C6: variants seen among roughly 807,000 people sequenced by gnomAD.
C6 encodes complement component C6.
Under a neutral mutation model 112.9 loss-of-function variants are expected in C6, and 101 were observed. That is an observed-to-expected ratio of 0.89 (90% CI 0.76 to 1.06). The LOEUF is 1.06. Among genes scored for constraint, C6 ranks in the 50% least tolerant of loss-of-function variants. The pLI is 0.00. For missense variants in C6, 1,202 were observed against 1,104.6 expected (o/e 1.09, Z -1.25); for synonymous variants, 431 against 384.1 (o/e 1.12, Z -1.43).
intron 9 of C6, among the ~76,000 whole-genome samples, chr5:41,167,064 A>G (rs971747264): frequency 4.6e-5 from 7 of 151,802 alleles, no homozygotes; most frequent in African/African-American, 1.7e-4. Context: ...GTGTTTTTAT[A>G]TTTTCTTTAT....
Position 41,211,410 on chromosome 5 carries a change from TTCCCAC to T in C6, c.-21+1960_-21+1965del, listed in dbSNP as rs1472622900. On this transcript the variant is annotated intron_variant, in intron 1 of 17. Coordinates refer to ENST00000337836, the MANE Select transcript of C6 (RefSeq NM_000065.5). ...AATAAAAAAAAATGAGGGGCTTTTT[TTCCCAC>T]TCCACTTGCAAGCTGATTCTAGTTC... is the stretch of plus-strand genomic sequence containing the variant. Among the ~76,000 whole-genome samples the T allele has an allele frequency of 2.0e-5, 3 of 152,180 alleles. No homozygotes were observed. The East Asian group carries it at 5.8e-4, about 29-fold the overall frequency.
At chr5:41,192,321 T>C (rs1337855973) in intron 5 of C6, among the ~76,000 whole-genome samples, 2 of 152,182 alleles carry the variant, frequency 1.3e-5, no homozygotes, top group African/African-American at 4.8e-5. Flanking sequence ...GCATCAGGGA[T>C]ATTGACCTGT....
At chr5:41,148,941 G>A (rs1036253478) in intron 17 of C6, among the ~76,000 whole-genome samples, 6 of 152,142 alleles carry the variant, frequency 3.9e-5, no homozygotes, top group Non-Finnish European at 8.8e-5. Context: ...GCTGGGACTC[G>A]GAAGGATGCC....
intron 11 of C6, chr5:41,159,465 A>AAAATGGCAAC: frequency 2.3e-5 from 23 of 985,320 alleles, no homozygotes; most frequent in Non-Finnish European, 2.7e-5. Context: ...AAGCCTAAAT[A>AAAATGGCAAC]AAATGGCAAC....
chr5:41,249,375 T>C (rs1741205359), intron 1 of C6, among the ~76,000 whole-genome samples: 1 of 152,210 alleles, frequency 6.6e-6, no homozygotes, highest in African/African-American at 2.4e-5. Context: ...TCCCAATAGT[T>C]AAAATAATAA....
Position 41,149,310 on chromosome 5 carries a change from G to A in C6, c.2554C>T (p.Leu852Phe). ...TCTTTCTTTGTGCTGTTGGATGAAA[G>A]TCTTGTCCTTTCAAGACCCCATTCT... ...QLEWGLERTR[L>F]SSNSTKKESC... Residue 852 changes from leucine (L) to phenylalanine (F), a missense_variant, in exon 17 of 18, where the codon CTT (leucine) becomes TTT (phenylalanine). By Grantham distance (22) the Leu-to-Phe change is conservative. Transcript: ENST00000337836. 6.2e-7 allele frequency: 1 copy of A among 1,614,046 alleles called. No individual in the cohort carries two copies. The highest frequency in any genetic ancestry group is 8.5e-7 in the Non-Finnish European group (1 of 1,179,944).
At chr5:41,222,377 T>G (rs889714281) in intron 1 of C6, among the ~76,000 whole-genome samples, 1 of 152,094 alleles carries the variant, frequency 6.6e-6, no homozygotes, top group Non-Finnish European at 1.5e-5. Context: ...ATATTACATT[T>G]AACTTGTAAA....
chr5:41,160,400 A>G, intron 10 of C6, 33 bp from the exon 11 acceptor site: 1 of 1,543,700 alleles, frequency 6.5e-7, no homozygotes. Flanking sequence ...AGGTCCAGTC[A>G]CATCCCCTTT....
intron 9 of C6, among the ~76,000 whole-genome samples, chr5:41,167,053 T>C (rs963413312): frequency 1.3e-5 from 2 of 152,074 alleles, no homozygotes; most frequent in Non-Finnish European, 2.9e-5. Flanking sequence ...AATTTTTTTA[T>C]GTGTTTTTAT....
At chr5:41,217,745 C>T (rs1045518141), upstream of C6, among the ~76,000 whole-genome samples, 11 of 151,882 alleles carry the variant, frequency 7.2e-5, no homozygotes, top group Non-Finnish European at 1.6e-4. Flanking sequence ...AAACTTCTGC[C>T]AAGTTTTGCC....
Position 41,234,677 on chromosome 5 carries a change from A to G in C6, c.-21+26517T>C, listed in dbSNP as rs141289147. 3.8e-3 allele frequency among the ~76,000 whole-genome samples: 572 copies of G among 152,264 alleles called. 8 individuals are homozygous for G. Among genetic ancestry groups the G allele is most frequent in the African/African-American group, 0.013 (551 of 41,570 alleles). On this transcript the variant is annotated intron_variant, in intron 1 of 17. Coordinates refer to the C6 transcript ENST00000263413. Reference sequence around the variant, plus strand: ...ACAGTTTGGGAAAACAGAAGAGCAGAAAACCCTCTGCCTTGAGATTGCTGT... The same window carrying G: ...ACAGTTTGGGAAAACAGAAGAGCAGGAAACCCTCTGCCTTGAGATTGCTGT...
intron 1 of C6, among the ~76,000 whole-genome samples, chr5:41,250,357 C>T (rs1055404028): frequency 3.9e-5 from 6 of 152,290 alleles, no homozygotes; most frequent in Middle Eastern, 3.4e-3. Context: ...TTTCTAAGCA[C>T]GTTTTTAGAG....
rs1580067756 is a variant in C6, at chr5:41,158,946, C to T, written c.1856+136G>A. The T allele has an allele frequency of 2.5e-6, 3 of 1,199,582 alleles. No homozygotes were observed. The African/African-American group carries it at 4.5e-5, about 18-fold the overall frequency. The allele number at this position is 1,199,582 out of a possible 1,614,324, so 74.3% of individuals were successfully genotyped here. The stretch of plus-strand genomic sequence containing the variant: ...AGGCACGGCAGTAGACCCAGTGGCT[C>T]ATTAATATTCTGTGTTGGCATAGGT... On this transcript the variant is annotated intron_variant, in intron 12 of 17. Transcript: ENST00000337836.
chr5:41,172,442 C>G (rs967051751), intron 8 of C6, 95 bp from the exon 9 acceptor site: 1 of 1,205,286 alleles, frequency 8.3e-7, no homozygotes, highest in Non-Finnish European at 1.2e-6. Flanking sequence ...TCTACAGATA[C>G]TTTATATTAG....
chr5:41,220,679 C>T (rs1426844569), intron 1 of C6, among the ~76,000 whole-genome samples: 1 of 151,844 alleles, frequency 6.6e-6, no homozygotes, highest in Non-Finnish European at 1.5e-5. Flanking sequence ...GCCTGTTGGT[C>T]ATTTATATAC....
chr5:41,247,207 A>C (rs1313922809), intron 1 of C6, among the ~76,000 whole-genome samples: 1 of 152,194 alleles, frequency 6.6e-6, no homozygotes, highest in Non-Finnish European at 1.5e-5. Flanking sequence ...AAGGAAAAAA[A>C]ATAAATAAAA....
intron 1 of C6, among the ~76,000 whole-genome samples, chr5:41,232,376 G>C (rs1175121892): frequency 6.6e-6 from 1 of 152,034 alleles, no homozygotes; most frequent in Non-Finnish European, 1.5e-5. Flanking sequence ...TTATCAGTTA[G>C]TAAATCCCTT....
intron 1 of C6, among the ~76,000 whole-genome samples, chr5:41,212,737 CA>C (rs1174725969): frequency 6.6e-6 from 1 of 152,144 alleles, no homozygotes; most frequent in Non-Finnish European, 1.5e-5. Flanking sequence ...TCATAGTTGC[CA>C]TCCCCTCTTG....
chr5:41,184,032 G>A (rs982255947), intron 6 of C6, among the ~76,000 whole-genome samples: 2 of 151,994 alleles, frequency 1.3e-5, no homozygotes, highest in Non-Finnish European at 2.9e-5. Context: ...ACTCTGCTCA[G>A]TACCTGGGTA....
Sources: allele counts gnomAD v4.1 joint callset (sites outside exome capture counted in the v4.1 genomes callset), GRCh38; gene constraint gnomAD v4.1.1; transcripts MANE v1.5; gene names NCBI Gene and HGNC (gene_info 2026-07-23, HGNC 2026-07-21).